USP12: variants seen among roughly 807,000 people sequenced by gnomAD.
The protein encoded by USP12 is ubiquitin carboxyl-terminal hydrolase 12.
A neutral mutation model predicts 45.5 loss-of-function variants in USP12; 19 were observed. The observed-to-expected ratio is 0.42, with a 90% confidence interval of 0.29 to 0.61. The LOEUF is 0.61. Among genes scored for constraint, USP12 ranks in the 20% least tolerant of loss-of-function variants. USP12 has a pLI of 0.22. For missense variants in USP12, 242 were observed against 447.7 expected, an observed-to-expected ratio of 0.54 and a Z score of 4.15; for synonymous variants, 149 against 148.8, an observed-to-expected ratio of 1.00 and a Z score of -0.01.
In USP12 at chr13:27,129,390, C is replaced by A. The variant is rs535444904; in HGVS notation, c.49-12794G>T. Among the ~76,000 whole-genome samples, 9 of 152,344 alleles carry A rather than the reference C, an allele frequency of 5.9e-5. No homozygotes were observed. Among genetic ancestry groups the A allele is most frequent in the Admixed American group, 1.3e-4 (2 of 15,310 alleles). ...CAAAAATAAAAACCATTCTTAGTAA[C>A]CACACCATCAACAGCTCATAAAATG... On this transcript the variant is annotated intron_variant, in intron 1 of 8. Transcript: ENST00000282344. This position sits in a 1 kb window ranked among gnomAD's most constrained non-coding sequence, Gnocchi z 4.0.
chr13:27,112,653 C>T (rs997405936), intron 2 of USP12, among the ~76,000 whole-genome samples: 1 of 152,096 alleles, frequency 6.6e-6, no homozygotes, highest in Non-Finnish European at 1.5e-5. Context: ...TCTAAAACTA[C>T]ATTTAAATTA....
intron 1 of USP12, among the ~76,000 whole-genome samples, chr13:27,150,454 C>G (rs557607201): frequency 2.0e-5 from 3 of 152,178 alleles, no homozygotes; most frequent in African/African-American, 7.2e-5. Context: ...AATCTAAACA[C>G]AGAGAAAAAC....
chr13:27,139,652 A>G (rs1189728899), intron 1 of USP12, among the ~76,000 whole-genome samples: 3 of 152,216 alleles, frequency 2.0e-5, no homozygotes, highest in African/African-American at 7.2e-5. Context: ...GTATAAACTG[A>G]TAATGAAAAT....
intron 2 of USP12, among the ~76,000 whole-genome samples, chr13:27,114,127 A>G (rs1875599406): frequency 6.6e-6 from 1 of 152,182 alleles, no homozygotes; most frequent in Non-Finnish European, 1.5e-5. Context: ...CAGTACCCTC[A>G]CAAATGGACT....
At chr13:27,110,323 A>C (rs1461450172) in intron 2 of USP12, among the ~76,000 whole-genome samples, 1 of 152,200 alleles carries the variant, frequency 6.6e-6, no homozygotes, top group African/African-American at 2.4e-5. Flanking sequence ...AAAGGACCTA[A>C]CCAGATAAGT....
intron 1 of USP12, among the ~76,000 whole-genome samples, chr13:27,139,968 C>T (rs1375653789): frequency 1.3e-5 from 2 of 152,124 alleles, no homozygotes; most frequent in African/African-American, 4.8e-5. Context: ...CAAAAAGGTT[C>T]TACTAATTAC....
At position 27,105,600 on chromosome 13, in the gene USP12, G is replaced by A. The variant is rs147175352; in HGVS notation, c.343+131C>T. 173 of 818,566 alleles carry A rather than the reference G, an allele frequency of 2.1e-4. 2 individuals are homozygous for A. Among genetic ancestry groups the A allele is most frequent in the South Asian group, 1.4e-3 (76 of 54,790 alleles). The allele number at this position is 818,566 out of a possible 1,614,324, so 50.7% of individuals were successfully genotyped here. A position where few individuals can be genotyped will look rare whatever the true frequency, so the allele number is the denominator to read the frequency against. ...AACGAGTGCCTCTTTGAAGAAAGGC[G>A]TGTCATCCTTGTTTCTTCAACAGCT... On this transcript the variant is annotated intron_variant, in intron 3 of 8. Coordinates refer to ENST00000282344, the MANE Select transcript of USP12 (RefSeq NM_182488.4).
chr13:27,170,335 A>G, intron 1 of USP12: 1 of 398,636 alleles, frequency 2.5e-6, no homozygotes, highest in Non-Finnish European at 4.4e-6. Flanking sequence ...CACTCCTTAA[A>G]GAAAAATATA....
chr13:27,150,331 A>T (rs1877511597), intron 1 of USP12, among the ~76,000 whole-genome samples: 1 of 152,126 alleles, frequency 6.6e-6, no homozygotes, highest in African/African-American at 2.4e-5. Context: ...AAAATGATTT[A>T]AATAAGTAGG....
rs537177065 is a variant in USP12, at chr13:27,166,720, AT to A, written c.48+4871del. 8.5e-3 allele frequency among the ~76,000 whole-genome samples: 1,289 copies of A among 152,358 alleles called. 13 individuals carry two copies. The highest frequency in any genetic ancestry group is 0.024 in the Middle Eastern group (7 of 294). The stretch of plus-strand genomic sequence containing the variant: ...TCAAGCATATTAAAAATTTCAGATC[AT>A]AACAAGTCTTATCTTTGTGATAACT... On this transcript the variant is annotated intron_variant, in intron 1 of 8. Coordinates refer to ENST00000282344, the MANE Select transcript of USP12 (RefSeq NM_182488.4).
chr13:27,168,613 T>C (rs1003369710), intron 1 of USP12, among the ~76,000 whole-genome samples: 6 of 152,172 alleles, frequency 3.9e-5, no homozygotes, highest in Admixed American at 3.3e-4. Flanking sequence ...ATACTGAAAA[T>C]GTATTATTTC....
chr13:27,144,904 A>G (rs1877243962), intron 1 of USP12, among the ~76,000 whole-genome samples: 1 of 151,302 alleles, frequency 6.6e-6, no homozygotes, highest in Non-Finnish European at 1.5e-5. Context: ...TACCAAAAAA[A>G]GAAAAAAAAA....
intron 2 of USP12, among the ~76,000 whole-genome samples, chr13:27,108,829 G>T (rs1318951809): frequency 1.3e-5 from 2 of 152,070 alleles, no homozygotes; most frequent in African/African-American, 4.8e-5. Flanking sequence ...GTGGTGGCAC[G>T]CACCTATAAT....
At position 27,067,869 on chromosome 13, in the gene USP12, C is replaced by T. The variant is rs1240957791; in HGVS notation, c.*1414G>A. On this transcript the variant is annotated 3_prime_UTR_variant, in exon 9 of 9. Coordinates refer to ENST00000282344, the MANE Select transcript of USP12 (RefSeq NM_182488.4). ...GCTACTGTCAGACAACTTACTGATG[C>T]ATGGAAAAACGTCCAAAAAAACTGC... 2 of 152,148 alleles carry T rather than the reference C, an allele frequency of 1.3e-5. No homozygotes were observed. The highest frequency in any genetic ancestry group is 2.9e-5 in the Non-Finnish European group (2 of 68,032). The allele number at this position is 152,148 out of a possible 1,614,324, so 9.4% of individuals were successfully genotyped here. A position where few individuals can be genotyped will look rare whatever the true frequency, so the allele number is the denominator to read the frequency against.
chr13:27,115,240 T>G (rs1200741610), intron 2 of USP12, among the ~76,000 whole-genome samples: 2 of 152,176 alleles, frequency 1.3e-5, no homozygotes, highest in African/African-American at 4.8e-5. Context: ...GAATTCTAAC[T>G]GAAATGCTGT....
chr13:27,090,028 TA>T, intron 5 of USP12, 53 bp downstream of exon 5: 1 of 1,576,812 alleles, frequency 6.3e-7, no homozygotes, highest in Non-Finnish European at 8.7e-7. Flanking sequence ...TCTTAAAAAA[TA>T]TTCCAGACTA....
At chr13:27,116,109 G>A (rs1303934890) in intron 2 of USP12, among the ~76,000 whole-genome samples, 3 of 151,906 alleles carry the variant, frequency 2.0e-5, no homozygotes, top group Non-Finnish European at 2.9e-5. Context: ...TCAGGAGATC[G>A]AGACCATCCT....
chr13:27,164,114 A>G (rs1365406931), intron 1 of USP12, among the ~76,000 whole-genome samples: 1 of 152,062 alleles, frequency 6.6e-6, no homozygotes, highest in Non-Finnish European at 1.5e-5. Context: ...CACTAGCATC[A>G]GGTAGAGGCT....
intron 1 of USP12, among the ~76,000 whole-genome samples, chr13:27,123,613 GC>G (rs1192455752): frequency 6.6e-6 from 1 of 152,142 alleles, no homozygotes; most frequent in Non-Finnish European, 1.5e-5. Context: ...GTCTTCCCAT[GC>G]TCTTCTTGTG....
Sources: allele counts gnomAD v4.1 joint callset (sites outside exome capture counted in the v4.1 genomes callset), GRCh38; gene constraint gnomAD v4.1.1; non-coding constraint Gnocchi (gnomAD v3.1); transcripts MANE v1.5; gene names NCBI Gene and HGNC (gene_info 2026-07-23, HGNC 2026-07-21).